Variants in PSEN1 observed in about 807,000 individuals in gnomAD.
PSEN1 encodes presenilin-1.
A neutral mutation model predicts 53.5 loss-of-function variants in PSEN1; 15 were observed. The observed-to-expected ratio is 0.28, with a 90% CI of 0.19 to 0.43. The LOEUF is 0.43. Ranked by LOEUF, PSEN1 falls within the 20% of genes least tolerant of loss-of-function variation. The pLI, the probability that PSEN1 is intolerant of heterozygous loss-of-function variation, is 1.00. For missense variants in PSEN1, 387 were observed against 571.2 expected (o/e 0.68, Z 3.29); for synonymous variants, 208 against 209.8 (o/e 0.99, Z 0.08).
At chr14:73,177,921 T>C (rs1397479047) in intron 5 of PSEN1, among the ~76,000 whole-genome samples, 2 of 152,164 alleles carry the variant, frequency 1.3e-5, no homozygotes, top group East Asian at 3.8e-4. Flanking sequence ...GGAAAATTTT[T>C]CAACCATTAT....
intron 1 of PSEN1, among the ~76,000 whole-genome samples, chr14:73,143,110 G>A (rs138247564): frequency 1.3e-5 from 2 of 152,302 alleles, no homozygotes; most frequent in African/African-American, 4.8e-5. Flanking sequence ...CTGAACAGTG[G>A]GGTCATTGAC....
At chr14:73,196,712 T>C (rs115702167) in intron 7 of PSEN1, among the ~76,000 whole-genome samples, 5,885 of 151,682 alleles carry the variant, frequency 0.039, 318 homozygotes, top group African/African-American at 0.11. Flanking sequence ...TGAGCACAAG[T>C]GATCTGCTGC....
intron 10 of PSEN1, 29 bp downstream of exon 10, chr14:73,211,971 C>G: frequency 6.2e-7 from 1 of 1,603,374 alleles, no homozygotes; most frequent in Middle Eastern, 1.7e-4. Context: ...GTTGCAAAGT[C>G]ATGGATTCCT....
chr14:73,172,373 G>A (rs1897917158), intron 4 of PSEN1, among the ~76,000 whole-genome samples: 1 of 152,210 alleles, frequency 6.6e-6, no homozygotes, highest in African/African-American at 2.4e-5. Flanking sequence ...AAGGGCAGGG[G>A]TTAGAACTAG....
intron 9 of PSEN1, among the ~76,000 whole-genome samples, chr14:73,206,958 T>C (rs1489225188): frequency 6.6e-6 from 1 of 152,036 alleles, no homozygotes; most frequent in African/African-American, 2.4e-5. Flanking sequence ...TGATTTGAGA[T>C]GTGCTGATGT....
At chr14:73,209,638 T>C (rs1336242426) in intron 9 of PSEN1, among the ~76,000 whole-genome samples, 1 of 152,206 alleles carries the variant, frequency 6.6e-6, no homozygotes, top group Non-Finnish European at 1.5e-5. Flanking sequence ...AAATAATTCA[T>C]ACAGTTGTGA....
intron 1 of PSEN1, among the ~76,000 whole-genome samples, chr14:73,143,561 T>C (rs1379424230): frequency 1.3e-5 from 2 of 152,176 alleles, no homozygotes; most frequent in African/African-American, 4.8e-5. Context: ...ACTTTGAAGA[T>C]AGTATTGGAA....
At chr14:73,147,015 C>T (rs1236243112) in intron 1 of PSEN1, among the ~76,000 whole-genome samples, 1 of 151,178 alleles carries the variant, frequency 6.6e-6, no homozygotes, top group Non-Finnish European at 1.5e-5. Flanking sequence ...AAGGAGAGGT[C>T]TGAGGCTGGG....
rs552448113 is a variant in PSEN1 at position 73,201,158 on chromosome 14, G to A, written c.868+3029G>A. ...GGCTGGAGTTCAGTGGGGCGATCTC[G>A]GCTCACTGCAAGCTCCGCCTCCTGG... is the stretch of plus-strand genomic sequence containing the variant. On this transcript the variant is annotated intron_variant, in intron 8 of 11. Transcript: ENST00000324501. Among the ~76,000 whole-genome samples, 8 of 152,132 alleles carry A rather than the reference G, an allele frequency of 5.3e-5. No individual in the cohort carries two copies. In the South Asian group the frequency reaches 1.2e-3, roughly 24 times the overall value.
At chr14:73,195,113 G>C (rs1458592189) in intron 7 of PSEN1, among the ~76,000 whole-genome samples, 1 of 152,186 alleles carries the variant, frequency 6.6e-6, no homozygotes, top group Non-Finnish European at 1.5e-5. Context: ...TTGCTTAGCT[G>C]TGAGTAAGAA....
chr14:73,212,088 CTTTTTTTTTTTTTTTTTTTTTTTTTTT>C (rs398043836), intron 10 of PSEN1, 146 bp downstream of exon 10: 39 of 70,572 alleles, frequency 5.5e-4, no homozygotes, highest in South Asian at 1.4e-3. Context: ...AGTAATAGTG[CTTTTTTTTTTTTTTTTTTTTTTTTTTT>C]TTTTTTTTTT....
intron 3 of PSEN1, among the ~76,000 whole-genome samples, chr14:73,161,992 T>TAAAA (rs1179787685): frequency 1.5e-5 from 1 of 65,366 alleles, no homozygotes; most frequent in Admixed American, 1.8e-4. Flanking sequence ...CCGTTTCCAC[T>TAAAA]AAAAAAAAAA....
intron 3 of PSEN1, among the ~76,000 whole-genome samples, chr14:73,148,982 A>G (rs1897146472): frequency 6.6e-6 from 1 of 152,086 alleles, no homozygotes; most frequent in Non-Finnish European, 1.5e-5. Context: ...AAGAAAAGAA[A>G]AGAGAGAGAG....
chr14:73,167,863 G>GCCTTTA (rs1389559193), intron 3 of PSEN1: 3 of 116,612 alleles, frequency 2.6e-5, no homozygotes, highest in Non-Finnish European at 5.0e-5. Context: ...AAGAATGATT[G>GCCTTTA]CCTTTACCTT....
intron 5 of PSEN1, among the ~76,000 whole-genome samples, chr14:73,180,704 A>G (rs1262943047): frequency 6.6e-6 from 1 of 152,390 alleles, no homozygotes; most frequent in South Asian, 2.1e-4. Flanking sequence ...GTTGTGTACT[A>G]TAAAACAGCA....
At chr14:73,207,947 C>T (rs1899520941) in intron 9 of PSEN1, among the ~76,000 whole-genome samples, 1 of 152,246 alleles carries the variant, frequency 6.6e-6, no homozygotes, top group South Asian at 2.1e-4. Flanking sequence ...GCAGCTTTGA[C>T]TACAGGCCAC....
At chr14:73,209,878 G>T (rs1332999962) in intron 9 of PSEN1, among the ~76,000 whole-genome samples, 2 of 152,256 alleles carry the variant, frequency 1.3e-5, no homozygotes, top group East Asian at 3.9e-4. Flanking sequence ...TGGTATTTTG[G>T]GGGGCACAGT....
chr14:73,150,613 A>G (rs1035204984), intron 3 of PSEN1, among the ~76,000 whole-genome samples: 2 of 151,610 alleles, frequency 1.3e-5, no homozygotes, highest in African/African-American at 4.9e-5. Flanking sequence ...AAAAAATGCA[A>G]AATTTAGCCA....
rs77685348 is a variant in PSEN1 at position 73,180,611 on chromosome 14, C to T, written c.481-6242C>T. ...ACAGGAAAGGCAGTTAATTATTATA[C>T]ATAATTTGTTATAAAAGGAACTATA... is the stretch of plus-strand genomic sequence containing the variant. On this transcript the variant is annotated intron_variant, in intron 5 of 11. Coordinates refer to ENST00000324501, the MANE Select transcript of PSEN1 (RefSeq NM_000021.4). 4.1e-4 allele frequency among the ~76,000 whole-genome samples: 62 copies of T among 152,310 alleles called. 2 individuals are homozygous for T. The East Asian group carries it at 8.7e-3, about 21-fold the overall frequency.
Sources: allele counts gnomAD v4.1 joint callset (sites outside exome capture counted in the v4.1 genomes callset), GRCh38; gene constraint gnomAD v4.1.1; transcripts MANE v1.5; gene names NCBI Gene and HGNC (gene_info 2026-07-23, HGNC 2026-07-21).